The following RBPMS2 variants were observed in gnomAD, a reference collection of about 807,000 sequenced individuals.
RBPMS2 encodes RNA-binding protein with multiple splicing 2.
RBPMS2 carries 14 observed loss-of-function variants against 25.7 expected under a neutral mutation model. That is an observed-to-expected ratio of 0.55 (90% confidence interval 0.36 to 0.85). The LOEUF is 0.85. Among genes scored for constraint, RBPMS2 ranks in the 40% least tolerant of loss-of-function variants. RBPMS2 has a pLI of 0.01. For synonymous variants in RBPMS2, 127 were observed against 115.6 expected, an observed-to-expected ratio of 1.10 and a Z score of -0.63; for missense variants, 252 against 283.4, an observed-to-expected ratio of 0.89 and a Z score of 0.80.
At chr15:64,749,971 C>CG (rs2083660045) in intron 3 of RBPMS2, among the ~76,000 whole-genome samples, 2 of 152,014 alleles carry the variant, frequency 1.3e-5, no homozygotes, top group East Asian at 3.9e-4. Flanking sequence ...CAAAGGCTAG[C>CG]GGGCCCTGGC....
At chr15:64,749,400 G>C (rs760410491) in intron 4 of RBPMS2, 31 bp downstream of exon 4, 1 of 1,593,876 alleles carries the variant, frequency 6.3e-7, no homozygotes, top group Non-Finnish European at 8.6e-7. Flanking sequence ...AGGGCTGTGA[G>C]TCAGAGAAGA....
chr15:64,742,685 A>C (rs2083573766), intron 6 of RBPMS2, among the ~76,000 whole-genome samples: 1 of 152,186 alleles, frequency 6.6e-6, no homozygotes, highest in Admixed American at 6.5e-5. Flanking sequence ...GGGGATGAGC[A>C]TCCAGGGAGG....
intron 1 of RBPMS2, among the ~76,000 whole-genome samples, chr15:64,755,154 G>GA (rs2083721864): frequency 3.3e-5 from 5 of 152,096 alleles, no homozygotes; most frequent in African/African-American, 1.2e-4. Context: ...TGAGTGTAGG[G>GA]GCTGTTTCCT....
chr15:64,751,441 C>T, intron 2 of RBPMS2, 120 bp downstream of exon 2: 1 of 792,470 alleles, frequency 1.3e-6, no homozygotes, highest in Non-Finnish European at 2.2e-6. Flanking sequence ...TGGACCTGCC[C>T]CCACAGCTTC....
At chr15:64,743,059 G>A (rs1285542834) in intron 6 of RBPMS2, among the ~76,000 whole-genome samples, 3 of 152,228 alleles carry the variant, frequency 2.0e-5, no homozygotes, top group Non-Finnish European at 2.9e-5. Flanking sequence ...CAGAGAAGCC[G>A]GCGGCTGGCA....
At chr15:64,769,378 C>G (rs1267946119) in intron 1 of RBPMS2, among the ~76,000 whole-genome samples, 1 of 147,000 alleles carries the variant, frequency 6.8e-6, no homozygotes, top group Admixed American at 6.9e-5. Flanking sequence ...GAGCCGAGAT[C>G]GCGCCATTGC....
Position 64,751,488 on chromosome 15 carries a change from G to T in RBPMS2, c.165+73C>A, listed in dbSNP as rs184058000. The T allele has an allele frequency of 4.5e-5, 60 of 1,335,294 alleles. No homozygotes were observed. In the East Asian group the frequency reaches 1.3e-3, roughly 28 times the overall value. The allele number at this position is 1,335,294 out of a possible 1,614,324, so 82.7% of individuals were successfully genotyped here. A position where few individuals can be genotyped will look rare whatever the true frequency, so the allele number is the denominator to read the frequency against. On this transcript the variant is annotated intron_variant, in intron 2 of 7. Coordinates refer to ENST00000300069, the MANE Select transcript of RBPMS2 (RefSeq NM_194272.3). The stretch of plus-strand genomic sequence containing the variant: ...CCCGCATCATCCTGCTGCCCTGCCC[G>T]ACCCGAGATTCACTCCCGCTGCTTC...
In RBPMS2 at chr15:64,749,054, T is replaced by C. The variant is rs375114329; in HGVS notation, c.364A>G (p.Asn122Asp). ...AGGGCGGGGTGCACGTTGCTGGGAT[T>C]TGGAGTTGCCATTAGCTTGCTCTTG... ...MAKSKLMATP[N>D]PSNVHPALGA... Residue 122 changes from asparagine to aspartate, a missense_variant, in exon 5 of 8, where the codon AAT becomes GAT. By Grantham distance (23) the Asn-to-Asp change is conservative. Transcript: ENST00000300069. 12 of 1,614,118 alleles carry C rather than the reference T, an allele frequency of 7.4e-6. No individual in the cohort carries two copies. Among genetic ancestry groups the C allele is most frequent in the Non-Finnish European group, 1.0e-5 (12 of 1,180,014 alleles).
At chr15:64,770,277 T>A (rs1595796783) in intron 1 of RBPMS2, among the ~76,000 whole-genome samples, 1 of 152,274 alleles carries the variant, frequency 6.6e-6, no homozygotes, top group Non-Finnish European at 1.5e-5. Context: ...CAGTATACTG[T>A]GTGGTTAAGA....
chr15:64,757,803 G>T (rs1264743905), intron 1 of RBPMS2, among the ~76,000 whole-genome samples: 3 of 49,392 alleles, frequency 6.1e-5, no homozygotes, highest in Non-Finnish European at 1.9e-4. Flanking sequence ...AATATAGCAA[G>T]GCCCTATCCC....
At chr15:64,748,942 T>C (rs2083646467) in intron 5 of RBPMS2, 58 bp downstream of exon 5, 2 of 1,588,430 alleles carry the variant, frequency 1.3e-6, no homozygotes, top group Non-Finnish European at 1.7e-6. Context: ...TGCAAGAGCC[T>C]GCAAGTCTGC....
In RBPMS2 at chr15:64,750,217, GGAC is replaced by G. The variant is rs150941326; in HGVS notation, c.204+123_204+125del. ...TACAGAGGCTGCTCTGTCAGAAACA[GGAC>G]AACAGGGAGCGCAAGTCTGTACCGC... On this transcript the variant is annotated intron_variant, in intron 3 of 7. Coordinates refer to ENST00000300069, the MANE Select transcript of RBPMS2 (RefSeq NM_194272.3). The G allele has an allele frequency of 3.6e-3, 3,063 of 858,188 alleles. 42 individuals carry two copies. The African/African-American group carries it at 0.045, about 13-fold the overall frequency. The allele number at this position is 858,188 out of a possible 1,614,324, so 53.2% of individuals were successfully genotyped here. A position where few individuals can be genotyped will look rare whatever the true frequency, so the allele number is the denominator to read the frequency against.
In RBPMS2 at chr15:64,745,784, C is replaced by T. The variant is rs76926194; in HGVS notation, c.567+2635G>A. ...GAGCAGGACCAAACAACCTCCAGGACCCCTCCTGCAGGTCTGGTCTCTGCA... is the reference window on the plus strand; with the variant it reads ...GAGCAGGACCAAACAACCTCCAGGATCCCTCCTGCAGGTCTGGTCTCTGCA... On this transcript the variant is annotated intron_variant, in intron 6 of 7. Transcript: ENST00000300069. Among the ~76,000 whole-genome samples the T allele has an allele frequency of 3.3e-3, 506 of 152,274 alleles. 1 individual carries two copies. Among genetic ancestry groups the T allele is most frequent in the African/African-American group, 0.012 (488 of 41,538 alleles).
intron 6 of RBPMS2, among the ~76,000 whole-genome samples, chr15:64,745,926 C>T (rs1337545220): frequency 3.9e-5 from 6 of 152,172 alleles, no homozygotes; most frequent in African/African-American, 1.4e-4. Context: ...CTACCTTCTC[C>T]TGAAGTCACC....
At chr15:64,751,485 C>G (rs2083679502) in intron 2 of RBPMS2, 76 bp downstream of exon 2, 2 of 1,305,336 alleles carry the variant, frequency 1.5e-6, no homozygotes, top group Admixed American at 1.7e-5. Context: ...TGCTGCCCTG[C>G]CCGACCCGAG....
intron 6 of RBPMS2, 80 bp downstream of exon 6, chr15:64,748,339 G>T (rs187205269): frequency 1.5e-5 from 22 of 1,436,426 alleles, no homozygotes; most frequent in Middle Eastern, 2.4e-4. Flanking sequence ...GGACAGCAGC[G>T]GCCAAGTGGC....
chr15:64,765,273 G>T (rs147720998), intron 1 of RBPMS2, among the ~76,000 whole-genome samples: 7 of 148,012 alleles, frequency 4.7e-5, no homozygotes, highest in Non-Finnish European at 8.9e-5. Flanking sequence ...AAATTAGCCC[G>T]GCGTGTTGGT....
At chr15:64,751,969 TC>T (rs2083686483) in intron 1 of RBPMS2, among the ~76,000 whole-genome samples, 4 of 150,976 alleles carry the variant, frequency 2.6e-5, no homozygotes, top group African/African-American at 9.7e-5. Flanking sequence ...TTTTTTTTTT[TC>T]TTTTTTTTTT....
chr15:64,775,032 G>T (rs1168972586), intron 1 of RBPMS2, among the ~76,000 whole-genome samples: 1 of 150,782 alleles, frequency 6.6e-6, no homozygotes, highest in East Asian at 2.0e-4. Flanking sequence ...GGGAGACAAT[G>T]CCTGTCCGGC....
Sources: allele counts gnomAD v4.1 joint callset (sites outside exome capture counted in the v4.1 genomes callset), GRCh38; gene constraint gnomAD v4.1.1; transcripts MANE v1.5; gene names NCBI Gene and HGNC (gene_info 2026-07-23, HGNC 2026-07-21).